The following TTC38 variants were observed in gnomAD, a reference collection of about 807,000 sequenced individuals.
TTC38 encodes the protein tetratricopeptide repeat domain 38.
In TTC38, 64 loss-of-function variants were observed where a neutral mutation model predicts 64.2. The observed-to-expected ratio is 1.00, with a 90% CI of 0.81 to 1.23. The LOEUF (loss-of-function observed/expected upper bound fraction) is 1.23, where lower values mean the gene tolerates loss of function less well. TTC38 is among the 50% of genes most tolerant of loss of function. The pLI is 0.00. For missense variants in TTC38, 573 were observed against 615.5 expected, an observed-to-expected ratio of 0.93 and a Z score of 0.73; for synonymous variants, 254 against 249.3, an observed-to-expected ratio of 1.02 and a Z score of -0.18.
At position 46,283,668 on chromosome 22, in the gene TTC38, A is replaced by G. The variant is rs201390833; in HGVS notation, c.736-305A>G. On this transcript the variant is annotated intron_variant, in intron 7 of 13. Transcript: ENST00000381031. ...GAAGTTCGAGACCACCCTGGCCAAC[A>G]TGGTGAAACCCTGTCTCTACCAAAG... Among the ~76,000 whole-genome samples the G allele has an allele frequency of 1.1e-4, 17 of 152,158 alleles. No individual in the cohort carries two copies. The East Asian group carries it at 3.1e-3, about 28-fold the overall frequency.
At chr22:46,288,031 G>A (rs190394152) in intron 10 of TTC38, among the ~76,000 whole-genome samples, 3 of 152,282 alleles carry the variant, frequency 2.0e-5, no homozygotes, top group African/African-American at 7.2e-5. Flanking sequence ...GGAAGGGCAG[G>A]CTGAGGCTGG....
chr22:46,269,925 TG>T (rs1236217182), intron 2 of TTC38, among the ~76,000 whole-genome samples: 2 of 152,182 alleles, frequency 1.3e-5, no homozygotes, highest in Non-Finnish European at 2.9e-5. Context: ...CCGAAGTAGC[TG>T]GGATTATAGG....
chr22:46,287,613 G>A (rs2077581284), intron 10 of TTC38, among the ~76,000 whole-genome samples: 2 of 152,340 alleles, frequency 1.3e-5, no homozygotes, highest in African/African-American at 4.8e-5. Flanking sequence ...CCACAGCTCT[G>A]GGGGCTCTTG....
At chr22:46,288,174 TTTAA>T (rs2077584786) in intron 10 of TTC38, among the ~76,000 whole-genome samples, 1 of 152,274 alleles carries the variant, frequency 6.6e-6, no homozygotes, top group South Asian at 2.1e-4. Flanking sequence ...AGAGGCTTTG[TTTAA>T]TAACCTTTGA....
At chr22:46,286,014 CAAA>C (rs573736869) in intron 9 of TTC38, among the ~76,000 whole-genome samples, 1 of 73,958 alleles carries the variant, frequency 1.4e-5, no homozygotes, top group African/African-American at 5.5e-5. Flanking sequence ...GACTCTGTCT[CAAA>C]AAAAAAAAAA....
chr22:46,280,115 G>A (rs1483237331), intron 6 of TTC38: 4 of 471,032 alleles, frequency 8.5e-6, no homozygotes, highest in Non-Finnish European at 1.8e-5. Flanking sequence ...GACAACTACT[G>A]GGCAGGAAAA....
In TTC38 at chr22:46,288,601, G is replaced by T; in HGVS notation, c.1082+13G>T. On this transcript the variant is annotated intron_variant, in intron 11 of 13. Coordinates refer to ENST00000381031, the MANE Select transcript of TTC38 (RefSeq NM_017931.4). ...GGGACGCCAGCGAGTATGCAGAGGGGCCTTCTCGGGGTGGGGGTCCTCACC... is the reference window on the plus strand; with the variant it reads ...GGGACGCCAGCGAGTATGCAGAGGGTCCTTCTCGGGGTGGGGGTCCTCACC... The T allele has an allele frequency of 1.2e-6, 2 of 1,612,032 alleles. No homozygotes were observed. Among genetic ancestry groups the T allele is most frequent in the East Asian group, 2.2e-5 (1 of 44,868 alleles).
At chr22:46,269,115 G>A (rs1460003447) in intron 2 of TTC38, 1 of 438,684 alleles carries the variant, frequency 2.3e-6, no homozygotes. Flanking sequence ...TCCTAAAAGG[G>A]CCTCTGCACT....
rs1345230376 is a variant in TTC38, at chr22:46,281,602, TTATC to T, written c.623_626del (p.Ser208LeufsTer18). ...CTCTTCCCCGCACCCTGCGTAGGCTTTATCTATTAACCCGACAGACGCATGGTCG... is the reference window on the plus strand; with the variant it reads ...CTCTTCCCCGCACCCTGCGTAGGCTTTATTAACCCGACAGACGCATGGTCG... On this transcript the variant is annotated frameshift_variant, in exon 7 of 14. Transcript: ENST00000381031. LOFTEE classifies it high-confidence loss of function. This position sits in a 1 kb window ranked among gnomAD's most constrained non-coding sequence, Gnocchi z 5.2. The T allele has an allele frequency of 6.2e-7, 1 of 1,614,008 alleles. No individual in the cohort carries two copies. The highest frequency in any genetic ancestry group is 8.5e-7 in the Non-Finnish European group (1 of 1,179,986).
chr22:46,282,730 A>T lies in TTC38; in HGVS notation c.735+1012A>T, dbSNP rs1281732151. Among the ~76,000 whole-genome samples the T allele has an allele frequency of 1.3e-5, 2 of 152,012 alleles. No individual in the cohort carries two copies. Among genetic ancestry groups the T allele is most frequent in the Non-Finnish European group, 2.9e-5 (2 of 67,988 alleles). On this transcript the variant is annotated intron_variant, in intron 7 of 13. Coordinates refer to ENST00000381031, the MANE Select transcript of TTC38 (RefSeq NM_017931.4). This position sits in a 1 kb window ranked among gnomAD's most constrained non-coding sequence, Gnocchi z 4.4. ...TGCTGGGCACTCTAGCTTGTTGAGG[A>T]TCACGAGTCCAGTCTCCTGAGCTTG...
chr22:46,291,199 T>C lies in TTC38; in HGVS notation c.1316+1300T>C, dbSNP rs2077612511. On this transcript the variant is annotated intron_variant, in intron 13 of 13. Coordinates refer to ENST00000381031, the MANE Select transcript of TTC38 (RefSeq NM_017931.4). The surrounding 1 kb of genome is among the most constrained non-coding windows in gnomAD (Gnocchi z 4.6). ...CCTTCCATGGCTGTAGACAAAACCA[T>C]GCGTGTTTCTTTGGTGGTCAAGCCC... is the stretch of plus-strand genomic sequence containing the variant. Among the ~76,000 whole-genome samples, 3 of 152,302 alleles carry C rather than the reference T, an allele frequency of 2.0e-5. No individual in the cohort carries two copies. Among genetic ancestry groups the C allele is most frequent in the South Asian group, 2.1e-4 (1 of 4,826 alleles).
Position 46,288,711 on chromosome 22 carries a change from C to T in TTC38, c.1082+123C>T, listed in dbSNP as rs1057475723. On this transcript the variant is annotated intron_variant, in intron 11 of 13. Transcript: ENST00000381031. The stretch of plus-strand genomic sequence containing the variant: ...CCTGTGAGTGCAGCAGGGGGGATGC[C>T]CATGGAGGCAGCTCCCAGGTGTGCA... 1.5e-5 allele frequency: 15 copies of T among 1,002,194 alleles called. No individual in the cohort carries two copies. In the Admixed American group the frequency reaches 2.9e-4, roughly 20 times the overall value. The allele number at this position is 1,002,194 out of a possible 1,614,324, so 62.1% of individuals were successfully genotyped here.
intron 5 of TTC38, among the ~76,000 whole-genome samples, chr22:46,277,073 AC>A: frequency 6.6e-6 from 1 of 151,172 alleles, no homozygotes; most frequent in Admixed American, 6.6e-5. Flanking sequence ...ACACACACAC[AC>A]ACACACACAC....
In TTC38 at chr22:46,280,962, G is replaced by A. The variant is rs565305146; in HGVS notation, c.616-637G>A. The stretch of plus-strand genomic sequence containing the variant: ...GAACACATAAATAGAAGAAAGAAAC[G>A]GCTAGGAGGGGAGGATCATTCCATG... On this transcript the variant is annotated intron_variant, in intron 6 of 13. Transcript: ENST00000381031. Among the ~76,000 whole-genome samples, 52 of 152,326 alleles carry A rather than the reference G, an allele frequency of 3.4e-4. 1 individual carries two copies. Among genetic ancestry groups the A allele is most frequent in the African/African-American group, 1.2e-3 (50 of 41,578 alleles).
chr22:46,289,451 C>T lies in TTC38; in HGVS notation c.1132C>T (p.Pro378Ser). 1 of 1,609,580 alleles carries T rather than the reference C, an allele frequency of 6.2e-7. No homozygotes were observed. Among genetic ancestry groups the T allele is most frequent in the Non-Finnish European group, 8.5e-7 (1 of 1,179,758 alleles). Residue 378 changes from proline to serine, a missense_variant, in exon 12 of 14, where the codon CCC (proline) becomes TCC (serine). Transcript: ENST00000381031. ...QHLLARDVGL[P>S]LCQALVEAED... ...CCTCCTGGCCCGAGACGTGGGGCTGCCCCTGTGCCAGGCCCTGGTGGAGGC... is the reference window on the plus strand; with the variant it reads ...CCTCCTGGCCCGAGACGTGGGGCTGTCCCTGTGCCAGGCCCTGGTGGAGGC...
At position 46,272,487 on chromosome 22, in the gene TTC38, G is replaced by A; in HGVS notation, c.193+71G>A. ...CAGCCCCTCTCTTTCCTTTACCACA[G>A]GGACACAGTTGGGATGGGGAAGGCA... On this transcript the variant is annotated intron_variant, in intron 3 of 13. Transcript: ENST00000381031. This position sits in a 1 kb window ranked among gnomAD's most constrained non-coding sequence, Gnocchi z 6.4. 5.2e-6 allele frequency: 7 copies of A among 1,356,430 alleles called. No homozygotes were observed. 84.0% of individuals were successfully genotyped at this position (1,356,430 alleles called of 1,614,324 possible).
At chr22:46,285,340 G>C in intron 9 of TTC38, 61 bp downstream of exon 9, 1 of 1,525,390 alleles carries the variant, frequency 6.6e-7, no homozygotes, top group Non-Finnish European at 9.1e-7. Flanking sequence ...GTCTCAAAGA[G>C]ACCAGATTTT....
intron 5 of TTC38, among the ~76,000 whole-genome samples, chr22:46,278,239 A>G (rs2077507548): frequency 6.6e-6 from 1 of 152,174 alleles, no homozygotes; most frequent in Non-Finnish European, 1.5e-5. Flanking sequence ...TCAGAGCCTC[A>G]GGGGTGGGTC....
chr22:46,292,810 G>C lies in TTC38; in HGVS notation c.1336G>C (p.Asp446His), dbSNP rs2077625718. Residue 446 changes from aspartate to histidine, a missense_variant, in exon 14 of 14, where the codon GAT becomes CAT. Asp to His is a moderately conservative substitution (Grantham distance 81). This residue lies in a region of TTC38 where 371 missense variants were observed against 381.8 expected (regional missense o/e 0.97). Coordinates refer to ENST00000381031, the MANE Select transcript of TTC38 (RefSeq NM_017931.4). The surrounding 1 kb of genome is among the most constrained non-coding windows in gnomAD (Gnocchi z 6.5). ...NVARSLLMER[D>H]ALKPNSPLTE... is the part of the protein sequence containing the mutation. ...CCACAGGAGCCTTCTGATGGAGCGT[G>C]ATGCCTTGAAGCCCAACTCGCCCCT... The C allele has an allele frequency of 2.5e-6, 4 of 1,613,918 alleles. No homozygotes were observed. In the South Asian group the frequency reaches 3.3e-5, roughly 13 times the overall value.
Sources: allele counts gnomAD v4.1 joint callset (sites outside exome capture counted in the v4.1 genomes callset), GRCh38; gene constraint gnomAD v4.1.1; regional missense constraint gnomAD v4.1.1; non-coding constraint Gnocchi (gnomAD v3.1); transcripts MANE v1.5; gene names NCBI Gene and HGNC (gene_info 2026-07-23, HGNC 2026-07-21).